ECSCR: variants seen among roughly 807,000 people sequenced by gnomAD.
ECSCR encodes endothelial cell surface expressed chemotaxis and apoptosis regulator, also known as endothelial cell-specific chemotaxis regulator.
ECSCR carries 12 observed loss-of-function variants against 16.7 expected under a neutral mutation model. That is an observed-to-expected ratio of 0.72 (90% CI 0.46 to 1.17). The LOEUF (loss-of-function observed/expected upper bound fraction) is 1.17, where lower values mean the gene tolerates loss of function less well. ECSCR is among the 50% of genes most tolerant of loss of function. The pLI is 0.00. For missense variants in ECSCR, 122 were observed against 116.1 expected (o/e 1.05, Z -0.23); for synonymous variants, 44 against 42.2 (o/e 1.04, Z -0.17).
chr5:139,458,201 A>G lies in ECSCR; in HGVS notation c.62-18T>C. On this transcript the variant is annotated intron_variant, in intron 1 of 9. Transcript: ENST00000618155. Reference sequence around the variant, plus strand: ...GTTGTGGCCTGCAAGAGAAAGCAAAACACATAGCTTGGTAAGTCCCCTGCC... The same window carrying G: ...GTTGTGGCCTGCAAGAGAAAGCAAAGCACATAGCTTGGTAAGTCCCCTGCC... 2 of 1,549,526 alleles carry G rather than the reference A, an allele frequency of 1.3e-6. No individual in the cohort carries two copies. The highest frequency in any genetic ancestry group is 1.7e-6 in the Non-Finnish European group (2 of 1,146,834).
At chr5:139,455,993 G>A (rs1273932578) in intron 5 of ECSCR, among the ~76,000 whole-genome samples, 1 of 151,908 alleles carries the variant, frequency 6.6e-6, no homozygotes, top group African/African-American at 2.4e-5. Context: ...ATGGTGACGC[G>A]TGCCTATAGT....
chr5:139,451,558 GGTGT>G (rs1396808607), intron 8 of ECSCR, among the ~76,000 whole-genome samples: 1 of 144,696 alleles, frequency 6.9e-6, no homozygotes, highest in Non-Finnish European at 1.5e-5. Flanking sequence ...TAGGGTACGG[GGTGT>G]GTGTGTGTGG....
chr5:139,462,188 C>A (rs190859563), intron 1 of ECSCR, among the ~76,000 whole-genome samples: 3 of 152,166 alleles, frequency 2.0e-5, no homozygotes, highest in African/African-American at 2.4e-5. Context: ...GAGAACAGAT[C>A]CCCTGTGAAG....
chr5:139,452,580 G>A (rs1751087297), intron 8 of ECSCR, among the ~76,000 whole-genome samples: 1 of 151,516 alleles, frequency 6.6e-6, no homozygotes. Flanking sequence ...GTGGGTGTGT[G>A]GGGGGTGTGG....
At chr5:139,449,032 G>A in intron 9 of ECSCR, 46 bp downstream of exon 9, 1 of 1,532,400 alleles carries the variant, frequency 6.5e-7, no homozygotes, top group Non-Finnish European at 8.8e-7. Context: ...GAGGAGGAAG[G>A]GAAAGGTGAA....
intron 1 of ECSCR, among the ~76,000 whole-genome samples, chr5:139,459,094 G>A (rs999366781): frequency 1.3e-5 from 2 of 152,124 alleles, no homozygotes; most frequent in Non-Finnish European, 2.9e-5. Context: ...TCAGGAGAAG[G>A]TTATTTTAAA....
chr5:139,450,775 C>CAA (rs952414998), intron 8 of ECSCR, among the ~76,000 whole-genome samples: 1 of 95,398 alleles, frequency 1.0e-5, no homozygotes, highest in Non-Finnish European at 2.2e-5. Context: ...GACTCCATGT[C>CAA]AAAAAAAAAA....
At position 139,454,604 on chromosome 5, in the gene ECSCR, T is replaced by C. The variant is rs1173991132; in HGVS notation, c.510A>G (p.Glu170=). 4 of 398,074 alleles carry C rather than the reference T, an allele frequency of 1.0e-5. No homozygotes were observed. Among genetic ancestry groups the C allele is most frequent in the Non-Finnish European group, 1.3e-5 (3 of 225,920 alleles). 24.7% of individuals were successfully genotyped at this position (398,074 alleles called of 1,614,324 possible). A position where few individuals can be genotyped will look rare whatever the true frequency, so the allele number is the denominator to read the frequency against. ...GAAGATTTTTCTGACGGTCTTACCT[T>C]TCAGACAGCCCTGAACTCCCAGGTT... is the stretch of plus-strand genomic sequence containing the variant. ...PQKPGSSGLS[E]SCSTANGEKD... The change falls in exon 8 of 10, where the codon GAA becomes GAG. Residue 170 remains glutamate, a splice_region_variant and synonymous_variant. Transcript: ENST00000618155.
intron 1 of ECSCR, among the ~76,000 whole-genome samples, chr5:139,461,873 G>T (rs865950928): frequency 6.6e-6 from 1 of 152,130 alleles, no homozygotes; most frequent in Non-Finnish European, 1.5e-5. Flanking sequence ...AATGGTCAAA[G>T]GGAAGTTGCT....
chr5:139,456,904 TCAA>T (rs1751169931), intron 4 of ECSCR, among the ~76,000 whole-genome samples: 1 of 152,198 alleles, frequency 6.6e-6, no homozygotes, highest in African/African-American at 2.4e-5. Flanking sequence ...CCCTGGGCAC[TCAA>T]CAAGTCCTGA....
In ECSCR at chr5:139,461,077, G is replaced by T. The variant is rs542427744; in HGVS notation, c.61+1533C>A. 7.9e-5 allele frequency among the ~76,000 whole-genome samples: 12 copies of T among 152,276 alleles called. No homozygotes were observed. In the South Asian group the frequency reaches 2.5e-3, roughly 32 times the overall value. ...CACAGGAGGCTAAGGCAGGAGGATT[G>T]CTTGAGCCCAGGAGGTCAAGGCTGC... is the stretch of plus-strand genomic sequence containing the variant. On this transcript the variant is annotated intron_variant, in intron 1 of 9. Transcript: ENST00000618155.
At chr5:139,454,782 C>T (rs1237100055) in intron 7 of ECSCR, 43 bp downstream of exon 7, 5 of 398,308 alleles carry the variant, frequency 1.3e-5, no homozygotes, top group South Asian at 1.3e-4. Flanking sequence ...GCCCTGGGTC[C>T]GCCAGCAGAG....
intron 8 of ECSCR, among the ~76,000 whole-genome samples, chr5:139,452,126 T>C (rs1751065604): frequency 6.9e-6 from 1 of 145,570 alleles, no homozygotes; most frequent in Non-Finnish European, 1.5e-5. Flanking sequence ...GTGTATAGTA[T>C]GGGGTGTGTG....
chr5:139,456,863 G>A (rs1301121767), intron 4 of ECSCR, among the ~76,000 whole-genome samples: 1 of 152,178 alleles, frequency 6.6e-6, no homozygotes, highest in African/African-American at 2.4e-5. Context: ...CCATCCAGAT[G>A]GAACCCAGTG....
Position 139,451,943 on chromosome 5 carries a change from A to G in ECSCR, c.512+2659T>C, listed in dbSNP as rs973411425. 1.4e-3 allele frequency among the ~76,000 whole-genome samples: 190 copies of G among 135,514 alleles called. 6 individuals carry two copies. In the South Asian group the frequency reaches 0.044, roughly 31 times the overall value. 88.9% of individuals were successfully genotyped at this position (135,514 alleles called of 152,430 possible). On this transcript the variant is annotated intron_variant, in intron 8 of 9. Coordinates refer to ENST00000618155, the MANE Select transcript of ECSCR (RefSeq NM_001077693.4). ...GTATGGGGCATGTTGTGTGTTTATG[A>G]TGTATGTGGGATGTGTGTATAGTAT...
At chr5:139,458,034 G>T in intron 2 of ECSCR, 105 bp downstream of exon 2, 1 of 1,323,208 alleles carries the variant, frequency 7.6e-7, no homozygotes, top group South Asian at 1.3e-5. Context: ...CTCCAGCTGC[G>T]GCCCCAGCCC....
In ECSCR at chr5:139,448,663, AG is replaced by A; in HGVS notation, c.*236del. Reference sequence around the variant, plus strand: ...CCTCCTCTTTCCTGTGGCTCTGAGGAGGTGGGAGAAGCAGGCAGTATTTCCA... The same window carrying A: ...CCTCCTCTTTCCTGTGGCTCTGAGGAGTGGGAGAAGCAGGCAGTATTTCCA... On this transcript the variant is annotated 3_prime_UTR_variant, in exon 10 of 10. Coordinates refer to ENST00000618155, the MANE Select transcript of ECSCR (RefSeq NM_001077693.4). 7.9e-7 allele frequency: 1 copy of A among 1,260,568 alleles called. No homozygotes were observed. The highest frequency in any genetic ancestry group is 1.0e-6 in the Non-Finnish European group (1 of 960,548). 78.1% of individuals were successfully genotyped at this position (1,260,568 alleles called of 1,614,324 possible). A position where few individuals can be genotyped will look rare whatever the true frequency, so the allele number is the denominator to read the frequency against.
intron 8 of ECSCR, among the ~76,000 whole-genome samples, chr5:139,451,617 G>C (rs1268283181): frequency 6.7e-6 from 1 of 148,430 alleles, no homozygotes; most frequent in African/African-American, 2.5e-5. Context: ...GGGGGGATGT[G>C]TGTGGTGTGT....
Position 139,457,605 on chromosome 5 carries a change from C to T in ECSCR, c.158-1G>A, listed in dbSNP as rs778885809. On this transcript the variant is annotated splice_acceptor_variant, in intron 3 of 9. Coordinates refer to ENST00000618155, the MANE Select transcript of ECSCR (RefSeq NM_001077693.4). LOFTEE classifies it high-confidence loss of function. ...TTAGCCTCTGAGGAAGGGATGTATC[C>T]TGCAAGGACAGAGGCAGATAGGGAG... 4 of 888,082 alleles carry T rather than the reference C, an allele frequency of 4.5e-6. No homozygotes were observed. In the South Asian group the frequency reaches 5.2e-5, roughly 12 times the overall value. 55.0% of individuals were successfully genotyped at this position (888,082 alleles called of 1,614,324 possible).
Sources: allele counts gnomAD v4.1 joint callset (sites outside exome capture counted in the v4.1 genomes callset), GRCh38; gene constraint gnomAD v4.1.1; transcripts MANE v1.5; gene names NCBI Gene and HGNC (gene_info 2026-07-23, HGNC 2026-07-21).